The following DOCK10 variants were observed in gnomAD, a reference collection of about 807,000 sequenced individuals.
The protein encoded by DOCK10 is dedicator of cytokinesis protein 10.
In DOCK10, 145 loss-of-function variants were observed where a neutral mutation model predicts 280.1. The observed-to-expected ratio is 0.52, with a 90% CI of 0.45 to 0.59. The LOEUF (loss-of-function observed/expected upper bound fraction) is 0.59, where lower values mean the gene tolerates loss of function less well. Among genes scored for constraint, DOCK10 ranks in the 20% least tolerant of loss-of-function variants. DOCK10 has a pLI of 0.00. For synonymous variants in DOCK10, 915 were observed against 942.2 expected (o/e 0.97, Z 0.53); for missense variants, 2,368 against 2,651.7 (o/e 0.89, Z 2.35).
intron 50 of DOCK10, among the ~76,000 whole-genome samples, chr2:224,778,634 T>C (rs1390892256): frequency 1.3e-5 from 2 of 152,186 alleles, no homozygotes; most frequent in Non-Finnish European, 1.5e-5. Flanking sequence ...ACACGAAATA[T>C]GGAGCAATTT....
At position 224,805,557 on chromosome 2, in the gene DOCK10, T is replaced by C. The variant is rs1693345945; in HGVS notation, c.3815-28A>G. Reference sequence around the variant, plus strand: ...GTAAACACAAGCCACAGCACACGTATGGGAATGAGATGTATGGGCACACAC... The same window carrying C: ...GTAAACACAAGCCACAGCACACGTACGGGAATGAGATGTATGGGCACACAC... On this transcript the variant is annotated intron_variant, in intron 34 of 55. Coordinates refer to ENST00000258390, the MANE Select transcript of DOCK10 (RefSeq NM_014689.3). The surrounding 1 kb of genome is among the most constrained non-coding windows in gnomAD (Gnocchi z 4.3). 1 of 1,610,710 alleles carries C rather than the reference T, an allele frequency of 6.2e-7. No homozygotes were observed. The highest frequency in any genetic ancestry group is 8.5e-7 in the Non-Finnish European group (1 of 1,178,176).
At chr2:224,802,133 A>T in intron 39 of DOCK10, 93 bp from the exon 40 acceptor site, 1 of 1,343,294 alleles carries the variant, frequency 7.4e-7, no homozygotes, top group Non-Finnish European at 1.0e-6. Flanking sequence ...GATTGAGTCA[A>T]ATATTAAAAA....
At chr2:224,950,692 G>C (rs1703681178) in intron 1 of DOCK10, among the ~76,000 whole-genome samples, 1 of 152,218 alleles carries the variant, frequency 6.6e-6, no homozygotes, top group African/African-American at 2.4e-5. Flanking sequence ...TGTCAAAAGG[G>C]AAAGTCCAGC....
chr2:224,835,372 C>T (rs1266360162), intron 25 of DOCK10, among the ~76,000 whole-genome samples: 1 of 152,198 alleles, frequency 6.6e-6, no homozygotes, highest in Non-Finnish European at 1.5e-5. Flanking sequence ...TGCTACAAAT[C>T]ACTGTTAACC....
At chr2:224,982,072 C>T in intron 1 of DOCK10, 1 of 580,328 alleles carries the variant, frequency 1.7e-6, no homozygotes, top group Admixed American at 4.4e-5. Flanking sequence ...AGATTTTCCC[C>T]AAACAGTACT....
At chr2:224,827,561 A>T (rs1403632266) in intron 27 of DOCK10, among the ~76,000 whole-genome samples, 1 of 151,974 alleles carries the variant, frequency 6.6e-6, no homozygotes, top group African/African-American at 2.4e-5. Context: ...AGTCCAATCC[A>T]CTCTTCTTAC....
rs1193453650 is a variant in DOCK10, at chr2:224,816,630, T to C, written c.3351A>G (p.Ser1117=). The C allele has an allele frequency of 5.0e-6, 8 of 1,600,136 alleles. No homozygotes were observed. Among genetic ancestry groups the C allele is most frequent in the Non-Finnish European group, 4.3e-6 (5 of 1,170,100 alleles). Reference sequence around the variant, plus strand: ...GAATTTTATTACCTGGAATGTTTGCTGATCTTATGGGCAGACACAAAGGGA... The same window carrying C: ...GAATTTTATTACCTGGAATGTTTGCCGATCTTATGGGCAGACACAAAGGGA... ...HFIPLCLPIR[S]ANIPDPLTPS... Residue 1117 remains serine, a synonymous_variant, in exon 30 of 56, where the codon TCA becomes TCG. Coordinates refer to ENST00000258390, the MANE Select transcript of DOCK10 (RefSeq NM_014689.3).
intron 2 of DOCK10, among the ~76,000 whole-genome samples, chr2:224,919,547 A>C (rs891294704): frequency 6.1e-5 from 9 of 148,528 alleles, no homozygotes; most frequent in Non-Finnish European, 1.2e-4. Context: ...TGGTATGTGA[A>C]TGTGTGTGGA....
chr2:224,925,588 T>A (rs901411328), intron 2 of DOCK10, among the ~76,000 whole-genome samples: 3 of 152,258 alleles, frequency 2.0e-5, no homozygotes, highest in Non-Finnish European at 4.4e-5. Flanking sequence ...CGTATTGGTG[T>A]CCTGGATATA....
At chr2:224,781,281 A>C (rs1475174398) in intron 50 of DOCK10, among the ~76,000 whole-genome samples, 1 of 152,200 alleles carries the variant, frequency 6.6e-6, no homozygotes, top group African/African-American at 2.4e-5. Flanking sequence ...CAAGTGATCA[A>C]TTGGTGATTG....
chr2:224,885,856 A>T (rs1172034097), intron 6 of DOCK10, 51 bp from the exon 7 acceptor site: 9 of 1,577,980 alleles, frequency 5.7e-6, no homozygotes, highest in Non-Finnish European at 7.7e-6. Flanking sequence ...ATGTGCTATT[A>T]CTCATAGAAA....
At chr2:224,811,723 C>A (rs1471816932) in intron 31 of DOCK10, among the ~76,000 whole-genome samples, 1 of 152,110 alleles carries the variant, frequency 6.6e-6, no homozygotes, top group Non-Finnish European at 1.5e-5. Flanking sequence ...GTTTTCCCAG[C>A]ACCATTTATT....
chr2:225,030,626 C>T (rs1463319856), intron 1 of DOCK10, among the ~76,000 whole-genome samples: 1 of 152,256 alleles, frequency 6.6e-6, no homozygotes, highest in African/African-American at 2.4e-5. Flanking sequence ...GTGATCACAC[C>T]TGCTTAGCTG....
intron 1 of DOCK10, among the ~76,000 whole-genome samples, chr2:224,993,781 A>G (rs1706194558): frequency 6.6e-6 from 1 of 152,094 alleles, no homozygotes; most frequent in Admixed American, 6.5e-5. Context: ...TCAAATGGAG[A>G]TTGGCTCCAG....
Position 224,823,543 on chromosome 2 carries a change from T to C in DOCK10, c.3141A>G (p.Glu1047=). Residue 1047 remains glutamate, a synonymous_variant, in exon 28 of 56, where the codon GAA becomes GAG. Coordinates refer to ENST00000258390, the MANE Select transcript of DOCK10 (RefSeq NM_014689.3). The part of the protein sequence containing the change: ...HVIWKYKDAL[E]ETRRANHSVA... ...CGCTGTGGTTTGCCCTTCTTGTTTC[T>C]TCAAGTGCATCCTTGTATTTCCAAA... 1 of 1,609,252 alleles carries C rather than the reference T, an allele frequency of 6.2e-7. No individual in the cohort carries two copies. Among genetic ancestry groups the C allele is most frequent in the Non-Finnish European group, 8.5e-7 (1 of 1,178,622 alleles).
At chr2:224,812,781 G>T in intron 31 of DOCK10, among the ~76,000 whole-genome samples, 1 of 152,140 alleles carries the variant, frequency 6.6e-6, no homozygotes, top group East Asian at 1.9e-4. Flanking sequence ...TTATATGCTG[G>T]ATTACACTTA....
At chr2:224,974,244 T>C (rs1203031928) in intron 1 of DOCK10, among the ~76,000 whole-genome samples, 1 of 152,200 alleles carries the variant, frequency 6.6e-6, no homozygotes, top group Non-Finnish European at 1.5e-5. Flanking sequence ...AATCTAACCA[T>C]GACAAACTCA....
chr2:224,928,378 C>T (rs924743770), intron 2 of DOCK10, among the ~76,000 whole-genome samples: 2 of 152,120 alleles, frequency 1.3e-5, no homozygotes, highest in South Asian at 2.1e-4. Flanking sequence ...GAATGGTGTC[C>T]GTGTTCAATA....
intron 1 of DOCK10, among the ~76,000 whole-genome samples, chr2:224,945,792 G>A (rs991819769): frequency 3.9e-5 from 6 of 152,092 alleles, no homozygotes; most frequent in Non-Finnish European, 5.9e-5. Context: ...TGGGTGATCA[G>A]TGATCACCCT....
Sources: gnomAD v4.1 joint callset for allele counts (sites outside exome capture counted in the v4.1 genomes callset) on GRCh38, gnomAD v4.1.1 for gene constraint, Gnocchi (gnomAD v3.1) non-coding constraint, MANE v1.5 for transcripts, NCBI Gene and HGNC (gene_info 2026-07-23, HGNC 2026-07-21) for gene names.